AFF1: variants seen among roughly 807,000 people sequenced by gnomAD.
AFF1 encodes AF4/FMR2 family member 1.
AFF1 carries 48 observed loss-of-function variants against 121.7 expected under a neutral mutation model. That is an observed-to-expected ratio of 0.39 (90% confidence interval 0.31 to 0.50). The LOEUF (loss-of-function observed/expected upper bound fraction) is 0.50, where lower values mean the gene tolerates loss of function less well. Among genes scored for constraint, AFF1 ranks in the 20% least tolerant of loss-of-function variants. The pLI is 0.76. For synonymous variants in AFF1, 613 were observed against 563.0 expected, an observed-to-expected ratio of 1.09 and a Z score of -1.26; for missense variants, 1,523 against 1,511.7, an observed-to-expected ratio of 1.01 and a Z score of -0.12.
At chr4:86,963,483 G>A (rs898837234) in intron 2 of AFF1, among the ~76,000 whole-genome samples, 3 of 152,234 alleles carry the variant, frequency 2.0e-5, no homozygotes, top group Non-Finnish European at 2.9e-5. Flanking sequence ...TCACATTAGC[G>A]CTTGCGTTCA....
rs780252431 is a variant in AFF1, at chr4:87,054,064, C to T, written c.1059+6470C>T. On this transcript the variant is annotated intron_variant, in intron 4 of 20. Transcript: ENST00000395146. ...GTGCAGAGACCATTAGAGAATTCTTCCCAGGATATAAGCCCAGTACCATAG... is the reference window on the plus strand; with the variant it reads ...GTGCAGAGACCATTAGAGAATTCTTTCCAGGATATAAGCCCAGTACCATAG... 2.6e-5 allele frequency among the ~76,000 whole-genome samples: 4 copies of T among 152,334 alleles called. No individual in the cohort carries two copies. The South Asian group carries it at 8.3e-4, about 32-fold the overall frequency.
chr4:86,989,478 T>C (rs1167023481), intron 2 of AFF1, among the ~76,000 whole-genome samples: 1 of 152,180 alleles, frequency 6.6e-6, no homozygotes, highest in Non-Finnish European at 1.5e-5. Context: ...CACAATGAGA[T>C]ACCATCTCAC....
chr4:87,019,754 C>T (rs774455391), intron 2 of AFF1, among the ~76,000 whole-genome samples: 2 of 152,226 alleles, frequency 1.3e-5, no homozygotes, highest in East Asian at 1.9e-4. Context: ...AACCGTTAAA[C>T]GTTAAGTAGG....
chr4:87,128,612 C>G (rs544424965), intron 16 of AFF1, among the ~76,000 whole-genome samples: 1 of 152,314 alleles, frequency 6.6e-6, no homozygotes, highest in Admixed American at 6.5e-5. Flanking sequence ...GGGTCTGAAT[C>G]AGATTGATTC....
At chr4:86,942,655 G>A (rs897576677) in intron 1 of AFF1, among the ~76,000 whole-genome samples, 1 of 152,186 alleles carries the variant, frequency 6.6e-6, no homozygotes, top group Non-Finnish European at 1.5e-5. Flanking sequence ...AAGAACCTGG[G>A]TGACCTAGTT....
At chr4:87,116,508 G>A (rs1415064554) in intron 12 of AFF1, among the ~76,000 whole-genome samples, 2 of 152,180 alleles carry the variant, frequency 1.3e-5, no homozygotes, top group Non-Finnish European at 2.9e-5. Flanking sequence ...TTGTAAGTAT[G>A]TGAAAAACTT....
chr4:86,996,649 T>C (rs1003654543), intron 2 of AFF1, among the ~76,000 whole-genome samples: 7 of 152,022 alleles, frequency 4.6e-5, no homozygotes, highest in Non-Finnish European at 8.8e-5. Flanking sequence ...GTTTATCTGC[T>C]GACCTTCCCT....
chr4:87,029,623 A>ACT (rs1728871975), intron 2 of AFF1, among the ~76,000 whole-genome samples: 2 of 151,864 alleles, frequency 1.3e-5, no homozygotes, highest in South Asian at 4.2e-4. Flanking sequence ...GGGAGTTCTT[A>ACT]CTCCCAGAGT....
intron 2 of AFF1, among the ~76,000 whole-genome samples, chr4:87,044,126 A>C (rs930606438): frequency 6.6e-6 from 1 of 152,122 alleles, no homozygotes; most frequent in Non-Finnish European, 1.5e-5. Context: ...TAAGGAGATA[A>C]TTATTTACCA....
chr4:87,126,956 G>C, intron 14 of AFF1, 70 bp from the exon 15 acceptor site: 7 of 1,343,376 alleles, frequency 5.2e-6, no homozygotes, highest in Non-Finnish European at 5.3e-6. Flanking sequence ...CTATTTAAGA[G>C]GGATGGTACT....
chr4:87,011,932 G>A (rs753172889), intron 2 of AFF1, among the ~76,000 whole-genome samples: 14 of 152,198 alleles, frequency 9.2e-5, no homozygotes, highest in Admixed American at 5.2e-4. Context: ...ATACCATACC[G>A]TGAAAAGATA....
chr4:86,985,180 A>AATATATATATAT (rs1724119781), intron 2 of AFF1, among the ~76,000 whole-genome samples: 9 of 55,940 alleles, frequency 1.6e-4, no homozygotes, highest in African/African-American at 7.6e-4. Flanking sequence ...AATATGTATT[A>AATATATATATAT]CTATATATAT....
chr4:86,999,643 A>G (rs1050263192), intron 2 of AFF1, among the ~76,000 whole-genome samples: 2 of 152,240 alleles, frequency 1.3e-5, no homozygotes, highest in South Asian at 4.1e-4. Flanking sequence ...ATGATATTGT[A>G]CAAGACAGCA....
At chr4:87,061,204 A>G (rs549988663) in intron 4 of AFF1, among the ~76,000 whole-genome samples, 3 of 152,296 alleles carry the variant, frequency 2.0e-5, no homozygotes, top group Admixed American at 1.3e-4. Context: ...CAGGCTGAGT[A>G]TGCCCATCCG....
chr4:87,028,314 T>C (rs1728734577), intron 2 of AFF1, among the ~76,000 whole-genome samples: 2 of 152,170 alleles, frequency 1.3e-5, no homozygotes, highest in South Asian at 4.1e-4. Context: ...CGTTTTTTTT[T>C]CTTTTGGTAT....
intron 2 of AFF1, among the ~76,000 whole-genome samples, chr4:87,022,752 A>G (rs7683277): frequency 1.3e-5 from 2 of 149,780 alleles, no homozygotes; most frequent in South Asian, 2.1e-4. Flanking sequence ...GTGTGTATAT[A>G]TATATAATAT....
chr4:87,132,224 T>C (rs1462668711), intron 18 of AFF1, 47 bp from the exon 19 acceptor site: 1 of 1,586,588 alleles, frequency 6.3e-7, no homozygotes, highest in Non-Finnish European at 8.6e-7. Flanking sequence ...GCTGCTTTTC[T>C]GTAGTATGAT....
chr4:87,001,143 C>G (rs1578030521), intron 2 of AFF1, among the ~76,000 whole-genome samples: 3 of 149,720 alleles, frequency 2.0e-5, no homozygotes, highest in Middle Eastern at 7.0e-3. Flanking sequence ...GGTATTACAC[C>G]TGGAGTAATG....
intron 2 of AFF1, among the ~76,000 whole-genome samples, chr4:86,989,455 T>C (rs192814302): frequency 6.6e-6 from 1 of 152,262 alleles, no homozygotes; most frequent in East Asian, 1.9e-4. Context: ...ATTAGAGAAA[T>C]GCAAATCAAA....
Sources: gnomAD v4.1 joint callset for allele counts (sites outside exome capture counted in the v4.1 genomes callset) on GRCh38, gnomAD v4.1.1 for gene constraint, MANE v1.5 for transcripts, NCBI Gene and HGNC (gene_info 2026-07-23, HGNC 2026-07-21) for gene names.